The following ARPP21 variants were observed in gnomAD, a reference collection of about 807,000 sequenced individuals.
The protein encoded by ARPP21 is cAMP regulated phosphoprotein 21, also known as cAMP-regulated phosphoprotein 21.
A neutral mutation model predicts 113.2 loss-of-function variants in ARPP21; 69 were observed. The observed-to-expected ratio is 0.61, with a 90% CI of 0.50 to 0.74. The LOEUF is 0.74. Among genes scored for constraint, ARPP21 ranks in the 30% least tolerant of loss-of-function variants. ARPP21 has a pLI of 0.00. For synonymous variants in ARPP21, 368 were observed against 375.5 expected, an observed-to-expected ratio of 0.98 and a Z score of 0.23; for missense variants, 1,070 against 1,037.4, an observed-to-expected ratio of 1.03 and a Z score of -0.43.
intron 19 of ARPP21, among the ~76,000 whole-genome samples, chr3:35,751,150 A>T (rs1396263925): frequency 6.6e-6 from 1 of 152,162 alleles, no homozygotes; most frequent in Non-Finnish European, 1.5e-5. Context: ...AGCATGAGGG[A>T]ACCTTAAGTT....
chr3:35,723,921 A>G (rs2093331139), intron 14 of ARPP21, among the ~76,000 whole-genome samples: 1 of 152,340 alleles, frequency 6.6e-6, no homozygotes, highest in South Asian at 2.1e-4. Context: ...CAGTTTCCCA[A>G]GATGGATTTA....
chr3:35,651,710 C>T (rs1259304799), intron 1 of ARPP21: 1 of 152,008 alleles, frequency 6.6e-6, no homozygotes, highest in Non-Finnish European at 1.5e-5. Context: ...CTTCTTACCT[C>T]ATTTCTTGGT....
intron 15 of ARPP21, among the ~76,000 whole-genome samples, chr3:35,730,684 A>G (rs904628690): frequency 1.2e-4 from 19 of 152,244 alleles, no homozygotes; most frequent in African/African-American, 4.1e-4. Context: ...GCAAAACTGG[A>G]TAAGTATCTC....
chr3:35,682,572 G>T, intron 3 of ARPP21: 1 of 361,198 alleles, frequency 2.8e-6, no homozygotes. Context: ...CTGCATGATG[G>T]CCAAAAAACT....
intron 11 of ARPP21, among the ~76,000 whole-genome samples, chr3:35,713,355 T>C (rs2091736209): frequency 6.6e-6 from 1 of 152,172 alleles, no homozygotes; most frequent in South Asian, 2.1e-4. Flanking sequence ...TTAGGAACTT[T>C]CCAAAGAAAA....
At position 35,690,865 on chromosome 3, in the gene ARPP21, T is replaced by C. The variant is rs776933263; in HGVS notation, c.546T>C (p.Asn182=). 1.2e-6 allele frequency: 2 copies of C among 1,603,080 alleles called. No individual in the cohort carries two copies. Among genetic ancestry groups the C allele is most frequent in the Non-Finnish European group, 1.7e-6 (2 of 1,175,462 alleles). The change falls in exon 9 of 21, where the codon AAT becomes AAC. Residue 182 remains asparagine (N), a splice_region_variant and synonymous_variant. Coordinates refer to ENST00000684406, the MANE Select transcript of ARPP21 (RefSeq NM_001385562.1). ...CACTTTTTCTTGAATTATGTTCTAG[T>C]AATCATTATAAAAAGTTCCCTCAGA... ...QEIIDFIADN[N]NHYKKFPQMS... is the part of the protein sequence containing the mutation.
chr3:35,676,513 G>C (rs2077534130), intron 1 of ARPP21, among the ~76,000 whole-genome samples: 1 of 151,852 alleles, frequency 6.6e-6, no homozygotes, highest in South Asian at 2.1e-4. Flanking sequence ...CAATAAAATG[G>C]TTCTCTGGCA....
intron 1 of ARPP21, among the ~76,000 whole-genome samples, chr3:35,670,242 A>C (rs1287938315): frequency 3.3e-5 from 5 of 152,088 alleles, no homozygotes; most frequent in Admixed American, 2.0e-4. Flanking sequence ...GAAGGGTCTT[A>C]TTGTCAGGTT....
intron 14 of ARPP21, among the ~76,000 whole-genome samples, 166 bp from the exon 15 acceptor site, chr3:35,729,137 A>C (rs528730133): frequency 6.6e-6 from 1 of 152,332 alleles, no homozygotes; most frequent in East Asian, 1.9e-4. Context: ...TATTTCAATA[A>C]AATATGAGGC....
chr3:35,734,669 A>G (rs1234590947), intron 15 of ARPP21, among the ~76,000 whole-genome samples: 1 of 152,222 alleles, frequency 6.6e-6, no homozygotes, highest in East Asian at 1.9e-4. Context: ...AATGGGAAAT[A>G]CTAACCTCTG....
chr3:35,686,876 T>C (rs938814458), intron 5 of ARPP21, among the ~76,000 whole-genome samples: 6 of 151,502 alleles, frequency 4.0e-5, no homozygotes, highest in South Asian at 2.1e-4. Flanking sequence ...ATTGCTGATA[T>C]ATGTGAGTTA....
intron 13 of ARPP21, among the ~76,000 whole-genome samples, chr3:35,718,915 A>C (rs540678317): frequency 2.0e-5 from 3 of 152,056 alleles, no homozygotes; most frequent in South Asian, 4.2e-4. Flanking sequence ...TGTGCAAAAA[A>C]AAAAAAAAAT....
rs2093774499 is a variant in ARPP21 at position 35,729,239 on chromosome 3, TCA to T, written c.1226-63_1226-62del. On this transcript the variant is annotated intron_variant, in intron 14 of 20. Transcript: ENST00000684406. ...GTCGCAGAAAAGTGAGCATTTAGAC[TCA>T]GATTGGTGCTTTCTCTCATCTCTGT... is the stretch of plus-strand genomic sequence containing the variant. The T allele has an allele frequency of 6.9e-6, 8 of 1,155,222 alleles. No homozygotes were observed. The Middle Eastern group carries it at 1.0e-3, about 144-fold the overall frequency. 71.6% of individuals were successfully genotyped at this position (1,155,222 alleles called of 1,614,324 possible).
At chr3:35,752,919 G>A (rs1278009080) in intron 19 of ARPP21, among the ~76,000 whole-genome samples, 1 of 151,856 alleles carries the variant, frequency 6.6e-6, no homozygotes, top group African/African-American at 2.4e-5. Context: ...GAATTAATAT[G>A]CTAATGTTTA....
rs1426989168 is a variant in ARPP21, at chr3:35,721,795, A to G, written c.1186A>G (p.Thr396Ala). Reference sequence around the variant, plus strand: ...CACGGTGCTGACCAGGGGTGACAGCACTTCCAGTACTAGGAGTACCGGGAA... The same window carrying G: ...CACGGTGCTGACCAGGGGTGACAGCGCTTCCAGTACTAGGAGTACCGGGAA... ...GITVLTRGDS[T>A]SSTRSTGKLS... Residue 396 changes from threonine (T) to alanine (A), a missense_variant, in exon 14 of 21, where the codon ACT becomes GCT. Thr to Ala is a moderately conservative substitution (Grantham distance 58). Coordinates refer to ENST00000684406, the MANE Select transcript of ARPP21 (RefSeq NM_001385562.1). The G allele has an allele frequency of 8.7e-6, 14 of 1,612,402 alleles. No individual in the cohort carries two copies. Among genetic ancestry groups the G allele is most frequent in the East Asian group, 2.2e-5 (1 of 44,844 alleles).
intron 19 of ARPP21, among the ~76,000 whole-genome samples, chr3:35,752,847 A>G (rs1434408751): frequency 6.6e-6 from 1 of 152,094 alleles, no homozygotes; most frequent in Non-Finnish European, 1.5e-5. Flanking sequence ...TATTTGTATT[A>G]GGCACAATTC....
rs2090177468 is a variant in ARPP21 at position 35,708,980 on chromosome 3, G to C, written c.807G>C (p.Met269Ile). The C allele has an allele frequency of 6.8e-6, 11 of 1,612,844 alleles. No homozygotes were observed. Among genetic ancestry groups the C allele is most frequent in the Non-Finnish European group, 9.3e-6 (11 of 1,179,234 alleles). ...IDKEDNQQNRMHPFRDDRRSK... is the reference protein window; with the variant it reads ...IDKEDNQQNRIHPFRDDRRSK... ...TTTTTTCTGTTCAGCAAAACAGAATGCATCCATTTAGAGATGACAGACGAA... is the reference window on the plus strand; with the variant it reads ...TTTTTTCTGTTCAGCAAAACAGAATCCATCCATTTAGAGATGACAGACGAA... Residue 269 changes from methionine to isoleucine, a missense_variant, in exon 11 of 21, where the codon ATG becomes ATC. Coordinates refer to ENST00000684406, the MANE Select transcript of ARPP21 (RefSeq NM_001385562.1).
At chr3:35,751,933 A>C (rs2095418298) in intron 19 of ARPP21, among the ~76,000 whole-genome samples, 1 of 152,164 alleles carries the variant, frequency 6.6e-6, no homozygotes, top group South Asian at 2.1e-4. Context: ...AAGAGGAAAC[A>C]GTATCTCAAT....
chr3:35,666,165 C>T (rs1357809954), intron 1 of ARPP21, among the ~76,000 whole-genome samples: 2 of 152,016 alleles, frequency 1.3e-5, no homozygotes, highest in Admixed American at 6.6e-5. Context: ...CACTTATACA[C>T]CCTTCCCTGA....
Sources: allele counts gnomAD v4.1 joint callset (sites outside exome capture counted in the v4.1 genomes callset), GRCh38; gene constraint gnomAD v4.1.1; transcripts MANE v1.5; gene names NCBI Gene and HGNC (gene_info 2026-07-23, HGNC 2026-07-21).